Variants in AQP12A observed in about 807,000 individuals in gnomAD.
The protein encoded by AQP12A is aquaporin 12A.
In AQP12A, 11 loss-of-function variants were observed where a neutral mutation model predicts 12.2. The observed-to-expected ratio is 0.90, with a 90% CI of 0.57 to 1.49. The LOEUF (loss-of-function observed/expected upper bound fraction) is 1.49. Among genes scored for constraint, AQP12A ranks in the 40% most tolerant of loss-of-function variants. The pLI is 0.00. For synonymous variants in AQP12A, 101 were observed against 127.1 expected (o/e 0.79, Z 1.38); for missense variants, 203 against 260.8 (o/e 0.78, Z 1.53).
At position 240,692,302 on chromosome 2, in the gene AQP12A, C is replaced by T. The variant is rs766634316; in HGVS notation, c.352C>T (p.Arg118Cys). 3.0e-5 allele frequency: 47 copies of T among 1,577,790 alleles called. 4 individuals are homozygous for T. In the East Asian group the frequency reaches 5.7e-4, roughly 19 times the overall value. ...LGMQAACTLM[R>C]LCWAWELSDL... Reference sequence around the variant, plus strand: ...CATGCAGGCCGCCTGCACCCTGATGCGCCTCTGCTGGGCCTGGGAGCTCAG... The same window carrying T: ...CATGCAGGCCGCCTGCACCCTGATGTGCCTCTGCTGGGCCTGGGAGCTCAG... Residue 118 changes from arginine to cysteine, a missense_variant, in exon 2 of 4, where the codon CGC becomes TGC. Around this residue, in one of 2 missense-constraint regions of AQP12A, gnomAD observed 191 missense variants for 197.1 expected, o/e 0.97. Coordinates refer to ENST00000337801, the MANE Select transcript of AQP12A (RefSeq NM_198998.3).
In AQP12A at chr2:240,692,195, C is replaced by G. The variant is rs760370699; in HGVS notation, c.245C>G (p.Pro82Arg). 117 of 1,581,470 alleles carry G rather than the reference C, an allele frequency of 7.4e-5. 9 individuals carry two copies. The highest frequency in any genetic ancestry group is 9.3e-5 in the Non-Finnish European group (109 of 1,167,860). The change falls in exon 2 of 4, where the codon CCC becomes CGC. Residue 82 changes from proline (P) to arginine (R), a missense_variant. By Grantham distance (103) the Pro-to-Arg change is moderately radical. Around this residue, in one of 2 missense-constraint regions of AQP12A, gnomAD observed 191 missense variants for 197.1 expected, o/e 0.97. Transcript: ENST00000337801. ...ACCTTGGACGGGGCCTCGGCCAACC[C>G]CACTGTGTCCCTGCAGGAGTTCCTC... ...GVTLDGASAN[P>R]TVSLQEFLMA...
At position 240,692,245 on chromosome 2, in the gene AQP12A, A is replaced by G. The variant is rs557065094; in HGVS notation, c.295A>G (p.Thr99Ala). The change falls in exon 2 of 4, where the codon ACG becomes GCG. Residue 99 changes from threonine (T) to alanine (A), a missense_variant. This residue lies in a region of AQP12A where 191 missense variants were observed against 197.1 expected (regional missense o/e 0.97). Transcript: ENST00000337801. ...FLMAEQSLPG[T>A]LLKLAAQGLG... ...CATGGCCGAGCAGTCTCTGCCTGGC[A>G]CGCTGTTGAAGCTGGCGGCACAGGG... The G allele has an allele frequency of 6.3e-7, 1 of 1,578,488 alleles. No homozygotes were observed. The highest frequency in any genetic ancestry group is 8.6e-7 in the Non-Finnish European group (1 of 1,167,492).
intron 2 of AQP12A, among the ~76,000 whole-genome samples, chr2:240,693,474 C>T (rs1236002334): frequency 1.3e-5 from 2 of 152,026 alleles, no homozygotes; most frequent in Non-Finnish European, 2.9e-5. Flanking sequence ...GGAGAGCTCC[C>T]GTCAAGGGTC....
intron 2 of AQP12A, among the ~76,000 whole-genome samples, chr2:240,692,804 G>A (rs2044082719): frequency 1.3e-5 from 2 of 151,108 alleles, no homozygotes; most frequent in South Asian, 4.2e-4. Flanking sequence ...TTCTGCCTCT[G>A]GGGTAGTAGG....
Position 240,692,227 on chromosome 2 carries a change from G to A in AQP12A, c.277G>A (p.Glu93Lys), listed in dbSNP as rs200267757. The change falls in exon 2 of 4, where the codon GAG (glutamate) becomes AAG (lysine). Residue 93 changes from glutamate (E) to lysine (K), a missense_variant. Around this residue, in one of 2 missense-constraint regions of AQP12A, gnomAD observed 191 missense variants for 197.1 expected, o/e 0.97. Transcript: ENST00000337801. ...GTCCCTGCAGGAGTTCCTCATGGCC[G>A]AGCAGTCTCTGCCTGGCACGCTGTT... ...TVSLQEFLMAEQSLPGTLLKL... is the reference protein window; with the variant it reads ...TVSLQEFLMAKQSLPGTLLKL... The A allele has an allele frequency of 9.8e-5, 154 of 1,579,342 alleles. 25 individuals carry two copies. The East Asian group carries it at 2.0e-3, about 21-fold the overall frequency.
Position 240,692,208 on chromosome 2 carries a change from G to C in AQP12A, c.258G>C (p.Leu86=). The change falls in exon 2 of 4, where the codon CTG becomes CTC. Residue 86 remains leucine, a synonymous_variant. Coordinates refer to ENST00000337801, the MANE Select transcript of AQP12A (RefSeq NM_198998.3). ...DGASANPTVS[L]QEFLMAEQSL... ...CCTCGGCCAACCCCACTGTGTCCCT[G>C]CAGGAGTTCCTCATGGCCGAGCAGT... is the stretch of plus-strand genomic sequence containing the variant. The C allele has an allele frequency of 3.8e-6, 6 of 1,580,792 alleles. 1 individual carries two copies. The highest frequency in any genetic ancestry group is 5.1e-6 in the Non-Finnish European group (6 of 1,167,796).
At chr2:240,693,829 T>C (rs1454625325) in intron 2 of AQP12A, among the ~76,000 whole-genome samples, 4 of 108,508 alleles carry the variant, frequency 3.7e-5, no homozygotes, top group East Asian at 3.3e-4. Context: ...CTCCTCTCTC[T>C]CTCTGTCTCT....
At position 240,692,052 on chromosome 2, in the gene AQP12A, G is replaced by A. The variant is rs748670422; in HGVS notation, c.123+16G>A. 8 of 1,579,878 alleles carry A rather than the reference G, an allele frequency of 5.1e-6. 1 individual carries two copies. The Admixed American group carries it at 7.7e-5, about 15-fold the overall frequency. On this transcript the variant is annotated intron_variant, in intron 1 of 3. Coordinates refer to ENST00000337801, the MANE Select transcript of AQP12A (RefSeq NM_198998.3). ...CCGGGAGGCGGTGGGTGCGGGTGCA[G>A]CTCGGGCCCTGCTGCCTGGAGATGA...
chr2:240,692,211 G>A lies in AQP12A; in HGVS notation c.261G>A (p.Gln87=). ...GASANPTVSL[Q]EFLMAEQSLP... is the part of the protein sequence containing the mutation. ...CGGCCAACCCCACTGTGTCCCTGCA[G>A]GAGTTCCTCATGGCCGAGCAGTCTC... Residue 87 remains glutamine, a synonymous_variant, in exon 2 of 4, where the codon CAG becomes CAA. Transcript: ENST00000337801. The A allele has an allele frequency of 2.5e-6, 4 of 1,580,682 alleles. 1 individual carries two copies. Among genetic ancestry groups the A allele is most frequent in the Non-Finnish European group, 8.6e-7 (1 of 1,167,804 alleles).
At chr2:240,693,912 T>TTTTTG (rs1559462452) in intron 2 of AQP12A, among the ~76,000 whole-genome samples, 237 of 56,482 alleles carry the variant, frequency 4.2e-3, no homozygotes, top group Middle Eastern at 7.6e-3. Context: ...TCTCTGTCTC[T>TTTTTG]CCTCTCTCTC....
At position 240,692,082 on chromosome 2, in the gene AQP12A, G is replaced by A. The variant is rs200769008; in HGVS notation, c.132G>A (p.Thr44=). ...YEVFAREAMR[T]LVELGPWAGD... is the part of the protein sequence containing the mutation. The stretch of plus-strand genomic sequence containing the variant: ...GGCCCTGCTGCCTGGAGATGAGGAC[G>A]CTGGTCGAGCTCGGGCCCTGGGCTG... Residue 44 remains threonine (T), a synonymous_variant, in exon 2 of 4, where the codon ACG becomes ACA. Coordinates refer to ENST00000337801, the MANE Select transcript of AQP12A (RefSeq NM_198998.3). 2.3e-4 allele frequency: 366 copies of A among 1,581,724 alleles called. 33 individuals carry two copies. Among genetic ancestry groups the A allele is most frequent in the Non-Finnish European group, 2.8e-4 (332 of 1,167,786 alleles).
rs770665889 is a variant in AQP12A, at chr2:240,692,197, A to G, written c.247A>G (p.Thr83Ala). Reference protein sequence around the residue: ...VTLDGASANPTVSLQEFLMAE... With the variant: ...VTLDGASANPAVSLQEFLMAE... ...CTTGGACGGGGCCTCGGCCAACCCC[A>G]CTGTGTCCCTGCAGGAGTTCCTCAT... Residue 83 changes from threonine to alanine, a missense_variant, in exon 2 of 4, where the codon ACT (threonine) becomes GCT (alanine). Physicochemically the swap from Thr to Ala is moderately conservative, Grantham distance 58. Around this residue, in one of 2 missense-constraint regions of AQP12A, gnomAD observed 191 missense variants for 197.1 expected, o/e 0.97. Coordinates refer to ENST00000337801, the MANE Select transcript of AQP12A (RefSeq NM_198998.3). 11 of 1,581,312 alleles carry G rather than the reference A, an allele frequency of 7.0e-6. 2 individuals carry two copies. The highest frequency in any genetic ancestry group is 2.3e-5 in the South Asian group (2 of 88,424).
intron 2 of AQP12A, among the ~76,000 whole-genome samples, chr2:240,693,463 C>G (rs1437749398): frequency 6.6e-6 from 1 of 151,938 alleles, no homozygotes; most frequent in African/African-American, 2.4e-5. Context: ...TGGGTGGCAC[C>G]GGAGAGCTCC....
At position 240,692,047 on chromosome 2, in the gene AQP12A, G is replaced by T; in HGVS notation, c.123+11G>T. On this transcript the variant is annotated intron_variant, in intron 1 of 3. Transcript: ENST00000337801. ...TTCGCCCGGGAGGCGGTGGGTGCGG[G>T]TGCAGCTCGGGCCCTGCTGCCTGGA... 1.3e-6 allele frequency: 2 copies of T among 1,578,574 alleles called. No individual in the cohort carries two copies. The highest frequency in any genetic ancestry group is 1.7e-6 in the Non-Finnish European group (2 of 1,167,318).
Position 240,692,205 on chromosome 2 carries a change from C to A in AQP12A, c.255C>A (p.Ser85=). 3 of 1,580,820 alleles carry A rather than the reference C, an allele frequency of 1.9e-6. 1 individual carries two copies. Among genetic ancestry groups the A allele is most frequent in the Non-Finnish European group, 2.6e-6 (3 of 1,167,790 alleles). The change falls in exon 2 of 4, where the codon TCC becomes TCA. Residue 85 remains serine (S), a synonymous_variant. Coordinates refer to ENST00000337801, the MANE Select transcript of AQP12A (RefSeq NM_198998.3). ...LDGASANPTV[S]LQEFLMAEQS... Reference sequence around the variant, plus strand: ...GGGCCTCGGCCAACCCCACTGTGTCCCTGCAGGAGTTCCTCATGGCCGAGC... The same window carrying A: ...GGGCCTCGGCCAACCCCACTGTGTCACTGCAGGAGTTCCTCATGGCCGAGC...
At chr2:240,692,608 GA>G (rs2044080106) in intron 2 of AQP12A, 87 bp downstream of exon 2, 2 of 699,704 alleles carry the variant, frequency 2.9e-6, no homozygotes, top group African/African-American at 3.9e-5. Flanking sequence ...TTGCACCCAG[GA>G]TAGGGGGCTG....
chr2:240,698,165 CT>C lies in AQP12A; in HGVS notation c.698del (p.Leu233ArgfsTer70). On this transcript the variant is annotated frameshift_variant, in exon 4 of 4. Transcript: ENST00000337801. LOFTEE classifies it low-confidence loss of function (END_TRUNC). The stretch of plus-strand genomic sequence containing the variant: ...CCTGCCTTCTCTTGCAGGGATGGTC[CT>C]GGCTGTGCTGCTGCACCAGGGCCGC... ...YWLGPLTGMV[L>X]AVLLHQGRLP... 7.7e-6 allele frequency: 1 copy of C among 130,138 alleles called. No individual in the cohort carries two copies. The highest frequency in any genetic ancestry group is 4.0e-5 in the South Asian group (1 of 24,744). The allele number at this position is 130,138 out of a possible 1,614,324, so 8.1% of individuals were successfully genotyped here.
At chr2:240,693,441 G>T (rs569918387) in intron 2 of AQP12A, among the ~76,000 whole-genome samples, 3 of 152,212 alleles carry the variant, frequency 2.0e-5, no homozygotes, top group Non-Finnish European at 4.4e-5. Flanking sequence ...CAGATTGCCC[G>T]GGCCTCTGTC....
rs750945593 is a variant in AQP12A at position 240,692,250 on chromosome 2, G to T, written c.300G>T (p.Leu100=). The change falls in exon 2 of 4, where the codon CTG becomes CTT. Residue 100 remains leucine, a synonymous_variant. Transcript: ENST00000337801. The part of the protein sequence containing the change: ...LMAEQSLPGT[L]LKLAAQGLGM... ...CCGAGCAGTCTCTGCCTGGCACGCT[G>T]TTGAAGCTGGCGGCACAGGGGCTGG... 8 of 1,578,630 alleles carry T rather than the reference G, an allele frequency of 5.1e-6. No homozygotes were observed. Among genetic ancestry groups the T allele is most frequent in the Middle Eastern group, 1.9e-4 (1 of 5,168 alleles).
Sources: gnomAD v4.1 joint callset for allele counts (sites outside exome capture counted in the v4.1 genomes callset) on GRCh38, gnomAD v4.1.1 for gene constraint, gnomAD v4.1.1 regional missense constraint, MANE v1.5 for transcripts, NCBI Gene and HGNC (gene_info 2026-07-23, HGNC 2026-07-21) for gene names.